The following NCOA2 variants were observed in gnomAD, a reference collection of about 807,000 sequenced individuals.
The protein encoded by NCOA2 is nuclear receptor coactivator 2, also known as class E basic helix-loop-helix protein 75.
NCOA2 carries 21 observed loss-of-function variants against 145.1 expected under a neutral mutation model. The ratio of observed to expected loss-of-function variants is 0.14; its 90% CI spans 0.10 to 0.21. The LOEUF (loss-of-function observed/expected upper bound fraction) is 0.21, where lower values mean the gene tolerates loss of function less well. Ranked by LOEUF, NCOA2 falls within the 10% of genes least tolerant of loss-of-function variation. The pLI is 1.00. For missense variants in NCOA2, 1,472 were observed against 1,837.6 expected, an observed-to-expected ratio of 0.80 and a Z score of 3.64; for synonymous variants, 619 against 637.5, an observed-to-expected ratio of 0.97 and a Z score of 0.44.
At chr8:70,376,369 G>GCACA (rs146722946) in intron 1 of NCOA2, among the ~76,000 whole-genome samples, 1,742 of 147,308 alleles carry the variant, frequency 0.012, 32 homozygotes, top group African/African-American at 0.041. Context: ...ACACACACAC[G>GCACA]CACACACACA....
chr8:70,141,253 T>C lies in NCOA2; in HGVS notation c.2959A>G (p.Ser987Gly), dbSNP rs762541626. ...QGGMIRNPAA[S>G]IPMRPSSQPG... ...TGGCTGCTGGGCCTCATGGGGATGC[T>C]GGCTGCTGGGTTCCGAATCATACCT... The change falls in exon 14 of 23, where the codon AGC becomes GGC. Residue 987 changes from serine (S) to glycine (G), a missense_variant. Physicochemically the swap from Ser to Gly is moderately conservative, Grantham distance 56 (BLOSUM62 0). Transcript: ENST00000452400. 30 of 1,613,830 alleles carry C rather than the reference T, an allele frequency of 1.9e-5. No individual in the cohort carries two copies. The highest frequency in any genetic ancestry group is 2.5e-5 in the Non-Finnish European group (30 of 1,179,880).
chr8:70,121,639 A>T (rs1206103841), intron 21 of NCOA2, among the ~76,000 whole-genome samples: 2 of 152,236 alleles, frequency 1.3e-5, no homozygotes, highest in African/African-American at 4.8e-5. Context: ...TGCTGTACAG[A>T]AATCAAATTC....
chr8:70,411,392 A>G, the NCOA2 span, among the ~76,000 whole-genome samples: 2 of 152,230 alleles, frequency 1.3e-5, no homozygotes, highest in African/African-American at 2.4e-5. Context: ...TCTACAAACT[A>G]TTAGAATTAA....
chr8:70,246,771 T>C (rs938940841), intron 2 of NCOA2, among the ~76,000 whole-genome samples: 4 of 152,130 alleles, frequency 2.6e-5, no homozygotes, highest in African/African-American at 9.7e-5. Flanking sequence ...TTCTATGAGT[T>C]TGAGTACTGT....
At chr8:70,364,939 C>T (rs2131109702) in intron 1 of NCOA2, among the ~76,000 whole-genome samples, 1 of 151,406 alleles carries the variant, frequency 6.6e-6, no homozygotes, top group South Asian at 2.1e-4. Context: ...TTCTGCAAGT[C>T]TAGGAGGGTC....
intron 1 of NCOA2, among the ~76,000 whole-genome samples, chr8:70,355,868 CTCATTCTAGGAAA>C (rs1183526975): frequency 1.3e-5 from 2 of 152,174 alleles, no homozygotes; most frequent in African/African-American, 4.8e-5. Flanking sequence ...ATTTGCCATC[CTCATTCTAGGAAA>C]TCATTTTCTC....
intron 1 of NCOA2, among the ~76,000 whole-genome samples, chr8:70,333,190 G>A (rs189942487): frequency 6.6e-6 from 1 of 152,280 alleles, no homozygotes; most frequent in Admixed American, 6.5e-5. Flanking sequence ...CCAACTGCTT[G>A]CAGGGCATGT....
chr8:70,425,540 C>G, the NCOA2 span, among the ~76,000 whole-genome samples: 1 of 152,292 alleles, frequency 6.6e-6, no homozygotes, highest in South Asian at 2.1e-4. Flanking sequence ...ATTCCTTTTA[C>G]TGCCTCAATG....
intron 2 of NCOA2, among the ~76,000 whole-genome samples, chr8:70,244,269 T>C (rs990765650): frequency 6.6e-6 from 1 of 152,132 alleles, no homozygotes; most frequent in Non-Finnish European, 1.5e-5. Context: ...TGTTGTGTAA[T>C]TGTTAACCCT....
intron 2 of NCOA2, among the ~76,000 whole-genome samples, chr8:70,223,756 C>T (rs1036849897): frequency 1.3e-5 from 2 of 152,154 alleles, no homozygotes; most frequent in African/African-American, 4.8e-5. Context: ...AATAAAGTAA[C>T]TTGAACAAGG....
intron 1 of NCOA2, among the ~76,000 whole-genome samples, chr8:70,365,842 AT>A (rs1209336760): frequency 6.6e-6 from 1 of 152,222 alleles, no homozygotes; most frequent in Non-Finnish European, 1.5e-5. Flanking sequence ...AAAGAAGAGG[AT>A]AAATTTTAAA....
chr8:70,375,584 T>C (rs1296548570), intron 1 of NCOA2, among the ~76,000 whole-genome samples: 1 of 152,204 alleles, frequency 6.6e-6, no homozygotes, highest in African/African-American at 2.4e-5. Flanking sequence ...AATTGTTAAA[T>C]ATACACATCT....
At chr8:70,165,736 T>C (rs1326210910) in intron 7 of NCOA2, among the ~76,000 whole-genome samples, 1 of 152,220 alleles carries the variant, frequency 6.6e-6, no homozygotes, top group East Asian at 1.9e-4. Context: ...TTATCAATTC[T>C]GGGCCCAGCA....
At chr8:70,349,566 A>G (rs2130791931) in intron 1 of NCOA2, among the ~76,000 whole-genome samples, 2 of 152,224 alleles carry the variant, frequency 1.3e-5, no homozygotes, top group South Asian at 4.1e-4. Context: ...TCACCTGATA[A>G]AAAGTATTGA....
intron 2 of NCOA2, among the ~76,000 whole-genome samples, chr8:70,218,473 G>C (rs1819857507): frequency 6.6e-6 from 1 of 152,130 alleles, no homozygotes; most frequent in Non-Finnish European, 1.5e-5. Context: ...GGATAGCAGA[G>C]AAGTGAAGGG....
At chr8:70,441,676 G>A in the NCOA2 span, among the ~76,000 whole-genome samples, 2 of 149,186 alleles carry the variant, frequency 1.3e-5, no homozygotes, top group Admixed American at 1.3e-4. Flanking sequence ...ATGGTCACAG[G>A]TGGGAGAAAA....
intron 4 of NCOA2, among the ~76,000 whole-genome samples, chr8:70,195,658 G>A (rs1245976321): frequency 1.3e-5 from 2 of 152,126 alleles, no homozygotes; most frequent in African/African-American, 4.8e-5. Context: ...CAAGCAGATT[G>A]TTAGACCAAA....
intron 4 of NCOA2, among the ~76,000 whole-genome samples, chr8:70,186,636 A>G (rs1816099794): frequency 6.6e-6 from 1 of 152,228 alleles, no homozygotes; most frequent in African/African-American, 2.4e-5. Context: ...ATATGCTACT[A>G]CAAAATTTTT....
At chr8:70,364,077 C>T (rs948813437) in intron 1 of NCOA2, among the ~76,000 whole-genome samples, 1 of 151,380 alleles carries the variant, frequency 6.6e-6, no homozygotes, top group African/African-American at 2.4e-5. Context: ...AGAAAGACTG[C>T]TGCGTTATGG....
Sources: allele counts gnomAD v4.1 joint callset (sites outside exome capture counted in the v4.1 genomes callset), GRCh38; gene constraint gnomAD v4.1.1; transcripts MANE v1.5; gene names NCBI Gene and HGNC (gene_info 2026-07-23, HGNC 2026-07-21).